CD164: variants seen among roughly 807,000 people sequenced by gnomAD.
CD164 encodes CD164 molecule.
Under a neutral mutation model 24.6 loss-of-function variants are expected in CD164, and 11 were observed. That is an observed-to-expected ratio of 0.45 (90% CI 0.28 to 0.74). The LOEUF is 0.74. CD164 is among the 30% of genes least tolerant of loss of function. CD164 has a pLI of 0.13. For missense variants in CD164, 295 were observed against 243.7 expected, an observed-to-expected ratio of 1.21 and a Z score of -1.40; for synonymous variants, 126 against 100.3, an observed-to-expected ratio of 1.26 and a Z score of -1.53.
chr6:109,379,684 T>C (rs776735469), intron 1 of CD164, 22 bp from the exon 2 acceptor site: 5 of 1,566,420 alleles, frequency 3.2e-6, no homozygotes, highest in African/African-American at 2.7e-5. Context: ...GGGGGAGAGA[T>C]GCATGAAATC....
chr6:109,380,170 C>CGATTCATAA (rs1279519089), intron 1 of CD164: 1 of 152,304 alleles, frequency 6.6e-6, no homozygotes, highest in African/African-American at 2.4e-5. Context: ...CAGGGATTCT[C>CGATTCATAA]GATTCATAAA....
chr6:109,380,090 CAGT>C (rs145913894), intron 1 of CD164: 11,863 of 153,028 alleles, frequency 0.078, 1,202 homozygotes, highest in African/African-American at 0.24. Flanking sequence ...TTAGTAGTAA[CAGT>C]AGTAGTTTAA....
Position 109,375,782 on chromosome 6 carries a change from T to C in CD164, c.370+292A>G, listed in dbSNP as rs77101196. 1,570 of 306,522 alleles carry C rather than the reference T, an allele frequency of 5.1e-3. 28 individuals are homozygous for C. The highest frequency in any genetic ancestry group is 0.031 in the African/African-American group (1,446 of 46,088). 19.0% of individuals were successfully genotyped at this position (306,522 alleles called of 1,614,324 possible). On this transcript the variant is annotated intron_variant, in intron 4 of 5. Transcript: ENST00000310786. The stretch of plus-strand genomic sequence containing the variant: ...GGATGATGAGAATTATAATTTGCTT[T>C]AGGCTTCTATATTTCCCAAGATTTC...
intron 2 of CD164, 89 bp downstream of exon 2, chr6:109,379,490 A>G (rs1478957298): frequency 1.5e-5 from 15 of 973,756 alleles, no homozygotes; most frequent in Non-Finnish European, 2.2e-5. Context: ...ACAATATCCT[A>G]AATGTCCTAC....
chr6:109,376,023 A>G (rs1771386753), intron 4 of CD164, 51 bp downstream of exon 4: 1 of 1,385,336 alleles, frequency 7.2e-7, no homozygotes, highest in Non-Finnish European at 9.9e-7. Flanking sequence ...ATCCATCAAG[A>G]AAGCTTAAAA....
chr6:109,380,670 T>C (rs1562244368), intron 1 of CD164, among the ~76,000 whole-genome samples: 1 of 152,236 alleles, frequency 6.6e-6, no homozygotes, highest in East Asian at 1.9e-4. Context: ...TGAAATGTTC[T>C]TTACAATGAA....
Position 109,382,228 on chromosome 6 carries a change from G to A in CD164, c.151C>T (p.Pro51Ser), listed in dbSNP as rs1363450599. The change falls in exon 1 of 6, where the codon CCG becomes TCG. Residue 51 changes from proline to serine, a missense_variant. Physicochemically the swap from Pro to Ser is moderately conservative, Grantham distance 74. Transcript: ENST00000310786. Reference protein sequence around the residue: ...NVTSAPVTSLPLVTTPAPETC... With the variant: ...NVTSAPVTSLSLVTTPAPETC... ...CCTGGTGCCGGAGTGGTGACCAGCG[G>A]GAGGGACGTCACCGGCGCCGAGGTT... 3 of 1,579,958 alleles carry A rather than the reference G, an allele frequency of 1.9e-6. No homozygotes were observed. Among genetic ancestry groups the A allele is most frequent in the East Asian group, 2.3e-5 (1 of 43,054 alleles).
At chr6:109,375,766 G>A (rs1354706664) in intron 4 of CD164, 2 of 277,014 alleles carry the variant, frequency 7.2e-6, no homozygotes, top group Non-Finnish European at 1.3e-5. Flanking sequence ...TGGATGATGA[G>A]AATTATAATT....
At chr6:109,379,723 C>G (rs747229928) in intron 1 of CD164, 61 bp from the exon 2 acceptor site, 111 of 1,238,568 alleles carry the variant, frequency 9.0e-5, no homozygotes, top group Non-Finnish European at 1.2e-4. Flanking sequence ...TTATTTGAAT[C>G]TGTATTACTT....
Position 109,382,289 on chromosome 6 carries a change from G to A in CD164, c.90C>T (p.His30=), listed in dbSNP as rs1204256270. The change falls in exon 1 of 6, where the codon CAC becomes CAT. Residue 30 remains histidine (H), a synonymous_variant. Transcript: ENST00000310786. ...TGGGCGCTAAAGTCGTCACGTTCGG[G>A]TGCTGGGTCGTGTTCTTGTCCGCGG... ...VLSADKNTTQ[H]PNVTTLAPIS... 6.3e-7 allele frequency: 1 copy of A among 1,584,880 alleles called. No homozygotes were observed. Among genetic ancestry groups the A allele is most frequent in the East Asian group, 2.3e-5 (1 of 43,476 alleles).
chr6:109,378,571 T>C (rs1771552704), intron 2 of CD164, among the ~76,000 whole-genome samples: 1 of 152,214 alleles, frequency 6.6e-6, no homozygotes, highest in Admixed American at 6.5e-5. Flanking sequence ...TAGTCTTCTA[T>C]ACTTTCTAAA....
intron 3 of CD164, among the ~76,000 whole-genome samples, chr6:109,376,713 T>C (rs1037079398): frequency 6.6e-6 from 1 of 152,260 alleles, no homozygotes; most frequent in African/African-American, 2.4e-5. Flanking sequence ...AAATACAGTT[T>C]TCCTTTAAAT....
Position 109,382,241 on chromosome 6 carries a change from C to G in CD164, c.138G>C (p.Pro46=). 6.3e-7 allele frequency: 1 copy of G among 1,584,182 alleles called. No homozygotes were observed. The highest frequency in any genetic ancestry group is 1.1e-5 in the South Asian group (1 of 87,194). ...LAPISNVTSA[P]VTSLPLVTTP... ...TGGTGACCAGCGGGAGGGACGTCAC[C>G]GGCGCCGAGGTTACGTTGGAGATGG... The change falls in exon 1 of 6, where the codon CCG becomes CCC. Residue 46 remains proline, a synonymous_variant. Coordinates refer to ENST00000310786, the MANE Select transcript of CD164 (RefSeq NM_006016.6).
intron 1 of CD164, among the ~76,000 whole-genome samples, chr6:109,381,223 T>G (rs1282604705): frequency 6.6e-6 from 1 of 152,222 alleles, no homozygotes; most frequent in Non-Finnish European, 1.5e-5. Flanking sequence ...CTCTCTTTTG[T>G]GTTGTCACGG....
chr6:109,377,682 CCA>C (rs1771491327), intron 3 of CD164, among the ~76,000 whole-genome samples: 1 of 151,376 alleles, frequency 6.6e-6, no homozygotes, highest in Non-Finnish European at 1.5e-5. Context: ...GACAACGCAT[CCA>C]CACTTACAGC....
At chr6:109,381,777 G>A (rs1330115155) in intron 1 of CD164, 1 of 574,066 alleles carries the variant, frequency 1.7e-6, no homozygotes, top group Non-Finnish European at 3.1e-6. Flanking sequence ...CCGGGAGGGT[G>A]AACAACCAGT....
At chr6:109,370,605 T>C (rs900373990) in intron 4 of CD164, 138 bp from the exon 5 acceptor site, 2 of 649,250 alleles carry the variant, frequency 3.1e-6, no homozygotes, top group African/African-American at 1.8e-5. Context: ...TTTCAGTTAA[T>C]GGTTCACTAA....
intron 1 of CD164, 116 bp downstream of exon 1, chr6:109,382,088 G>T: frequency 1.1e-6 from 1 of 927,050 alleles, no homozygotes. Flanking sequence ...GCCGCACCCC[G>T]AGCGCGGCCC....
intron 4 of CD164, among the ~76,000 whole-genome samples, chr6:109,375,617 C>CAAAAAAAAAAAAAAAAAAAAAAAAAAAAA (rs58138405): frequency 8.4e-5 from 6 of 71,396 alleles, no homozygotes; most frequent in East Asian, 4.5e-4. Flanking sequence ...ACTTCGCTTC[C>CAAAAAAAAAAAAAAAAAAAAAAAAAAAAA]AAAAAAAAAA....
Sources: gnomAD v4.1 joint callset for allele counts (sites outside exome capture counted in the v4.1 genomes callset) on GRCh38, gnomAD v4.1.1 for gene constraint, MANE v1.5 for transcripts, NCBI Gene and HGNC (gene_info 2026-07-23, HGNC 2026-07-21) for gene names.